TRPC7: variants seen among roughly 807,000 people sequenced by gnomAD.
The protein encoded by TRPC7 is transient receptor potential cation channel subfamily C member 7.
In TRPC7, 42 loss-of-function variants were observed where a neutral mutation model predicts 90.1. That is an observed-to-expected ratio of 0.47 (90% CI 0.36 to 0.60). The LOEUF (loss-of-function observed/expected upper bound fraction) is 0.60, where lower values mean the gene tolerates loss of function less well. TRPC7 is among the 20% of genes least tolerant of loss of function. The pLI is 0.00. For synonymous variants in TRPC7, 451 were observed against 436.3 expected, an observed-to-expected ratio of 1.03 and a Z score of -0.42; for missense variants, 955 against 1,112.3, an observed-to-expected ratio of 0.86 and a Z score of 2.01.
At chr5:136,267,033 G>A (rs993564368) in intron 4 of TRPC7, among the ~76,000 whole-genome samples, 10 of 152,058 alleles carry the variant, frequency 6.6e-5, no homozygotes, top group African/African-American at 2.2e-4. Context: ...AGACATAGAG[G>A]ACTTTTTTTC....
intron 2 of TRPC7, among the ~76,000 whole-genome samples, chr5:136,338,051 GGAGA>G (rs144557242): frequency 6.6e-6 from 1 of 151,550 alleles, no homozygotes; most frequent in South Asian, 2.1e-4. Flanking sequence ...GGAATGGTGG[GGAGA>G]GAGAGAGAGA....
intron 7 of TRPC7, among the ~76,000 whole-genome samples, chr5:136,245,447 C>A: frequency 6.6e-6 from 1 of 152,114 alleles, no homozygotes; most frequent in East Asian, 1.9e-4. Flanking sequence ...TTCTCAGAGA[C>A]AAGTATCTTA....
chr5:136,244,220 C>A (rs113178496), intron 7 of TRPC7, among the ~76,000 whole-genome samples: 14 of 132,180 alleles, frequency 1.1e-4, no homozygotes, highest in African/African-American at 3.9e-4. Flanking sequence ...CTTCTTTTTT[C>A]TTTAATGAGG....
At chr5:136,360,660 G>C (rs972192542) in intron 1 of TRPC7, among the ~76,000 whole-genome samples, 4 of 152,136 alleles carry the variant, frequency 2.6e-5, no homozygotes, top group African/African-American at 9.7e-5. Context: ...CATCAATTCT[G>C]TTCCTTTCCT....
chr5:136,261,461 C>T (rs937692321), intron 5 of TRPC7, among the ~76,000 whole-genome samples: 8 of 152,200 alleles, frequency 5.3e-5, no homozygotes, highest in Admixed American at 2.0e-4. Flanking sequence ...GAAGTGTTCA[C>T]ACTCCTGCTA....
At chr5:136,360,466 T>A (rs1175153780) in intron 1 of TRPC7, among the ~76,000 whole-genome samples, 1 of 151,964 alleles carries the variant, frequency 6.6e-6, no homozygotes, top group African/African-American at 2.4e-5. Flanking sequence ...ACAATAATTA[T>A]GTTTTATCAA....
intron 2 of TRPC7, among the ~76,000 whole-genome samples, chr5:136,317,079 G>T (rs1759047206): frequency 6.6e-6 from 1 of 152,158 alleles, no homozygotes; most frequent in Admixed American, 6.5e-5. Context: ...AAAGGGAAAA[G>T]ATCAAGAAAA....
chr5:136,355,373 C>T (rs887568638), intron 2 of TRPC7, among the ~76,000 whole-genome samples: 1 of 152,156 alleles, frequency 6.6e-6, no homozygotes, highest in Non-Finnish European at 1.5e-5. Flanking sequence ...CTATGTGATC[C>T]TCTCTCTACT....
chr5:136,334,408 C>G lies in TRPC7; in HGVS notation c.781-18629G>C, dbSNP rs557471509. Among the ~76,000 whole-genome samples, 146 of 152,324 alleles carry G rather than the reference C, an allele frequency of 9.6e-4. 1 individual carries two copies. The highest frequency in any genetic ancestry group is 2.9e-3 in the South Asian group (14 of 4,832). ...ATCCCTGCTAACAAAAAATACAAAT[C>G]AAGTTAGGCAAATCAGTACTTGTGA... On this transcript the variant is annotated intron_variant, in intron 2 of 11. Coordinates refer to ENST00000513104, the MANE Select transcript of TRPC7 (RefSeq NM_020389.3).
intron 3 of TRPC7, among the ~76,000 whole-genome samples, chr5:136,307,680 G>A (rs1373992410): frequency 6.6e-6 from 1 of 152,168 alleles, no homozygotes; most frequent in Admixed American, 6.5e-5. Flanking sequence ...GCAAGCTGGG[G>A]GTAGGGTGCT....
intron 7 of TRPC7, among the ~76,000 whole-genome samples, chr5:136,237,851 G>A (rs1580849404): frequency 6.6e-6 from 1 of 152,250 alleles, no homozygotes; most frequent in South Asian, 2.1e-4. Context: ...AGACTATGGA[G>A]CCCTGCAATT....
Position 136,327,843 on chromosome 5 carries a change from T to C in TRPC7, c.781-12064A>G, listed in dbSNP as rs868471046. ...TGCCCAAGTGTTTTCTTTCTGCACATCCCCAACTCAGCTGATGGGTAAGAA... is the reference window on the plus strand; with the variant it reads ...TGCCCAAGTGTTTTCTTTCTGCACACCCCCAACTCAGCTGATGGGTAAGAA... On this transcript the variant is annotated intron_variant, in intron 2 of 11. Transcript: ENST00000513104. Among the ~76,000 whole-genome samples the C allele has an allele frequency of 3.9e-5, 6 of 152,168 alleles. No homozygotes were observed. In the South Asian group the frequency reaches 6.2e-4, roughly 16 times the overall value.
chr5:136,260,545 TA>T (rs1249834145), intron 5 of TRPC7, among the ~76,000 whole-genome samples: 1 of 151,990 alleles, frequency 6.6e-6, no homozygotes, highest in Non-Finnish European at 1.5e-5. Context: ...GCAGAGAGCC[TA>T]GGGGGCTGAA....
chr5:136,298,215 A>C (rs909985243), intron 3 of TRPC7, among the ~76,000 whole-genome samples: 1 of 152,156 alleles, frequency 6.6e-6, no homozygotes, highest in African/African-American at 2.4e-5. Flanking sequence ...GAAGCAGTCT[A>C]TGGATCTGAG....
At chr5:136,263,854 G>A (rs1756940941) in intron 5 of TRPC7, among the ~76,000 whole-genome samples, 1 of 152,164 alleles carries the variant, frequency 6.6e-6, no homozygotes. Flanking sequence ...AGGTTAGAGA[G>A]AAGGGAGGTG....
In TRPC7 at chr5:136,327,899, G is replaced by C. The variant is rs560419351; in HGVS notation, c.781-12120C>G. 2.6e-5 allele frequency among the ~76,000 whole-genome samples: 4 copies of C among 152,248 alleles called. No homozygotes were observed. In the East Asian group the frequency reaches 5.8e-4, roughly 22 times the overall value. The stretch of plus-strand genomic sequence containing the variant: ...TGGATGTTAAAATTTAACACACATG[G>C]CTGAATTTTTATTAATTAAAACTGG... On this transcript the variant is annotated intron_variant, in intron 2 of 11. Transcript: ENST00000513104.
chr5:136,334,932 T>C (rs879166225), intron 2 of TRPC7, among the ~76,000 whole-genome samples: 1 of 152,220 alleles, frequency 6.6e-6, no homozygotes, highest in Admixed American at 6.5e-5. Context: ...CCTTATCTTG[T>C]ATATAGGTCA....
At chr5:136,311,122 C>T (rs898877704) in intron 3 of TRPC7, among the ~76,000 whole-genome samples, 2 of 152,268 alleles carry the variant, frequency 1.3e-5, no homozygotes, top group Non-Finnish European at 2.9e-5. Context: ...AAACCGGACT[C>T]TCTGGGTCTC....
intron 3 of TRPC7, among the ~76,000 whole-genome samples, chr5:136,315,164 A>G (rs751804437): frequency 3.3e-5 from 5 of 152,234 alleles, no homozygotes; most frequent in Non-Finnish European, 5.9e-5. Context: ...TTACATTAAT[A>G]CATTTTCTAC....
Sources: allele counts gnomAD v4.1 joint callset (sites outside exome capture counted in the v4.1 genomes callset), GRCh38; gene constraint gnomAD v4.1.1; transcripts MANE v1.5; gene names NCBI Gene and HGNC (gene_info 2026-07-23, HGNC 2026-07-21).